CIB1: variants seen among roughly 807,000 people sequenced by gnomAD.
The protein encoded by CIB1 is calcium and integrin-binding protein 1.
In CIB1, 19 loss-of-function variants were observed where a neutral mutation model predicts 25.0. That is an observed-to-expected ratio of 0.76 (90% CI 0.53 to 1.12). The LOEUF (loss-of-function observed/expected upper bound fraction) is 1.12, where lower values mean the gene tolerates loss of function less well. Among genes scored for constraint, CIB1 ranks in the 50% most tolerant of loss-of-function variants. CIB1 has a pLI of 0.00. For synonymous variants in CIB1, 104 were observed against 98.5 expected (o/e 1.06, Z -0.33); for missense variants, 236 against 242.6 (o/e 0.97, Z 0.18).
At chr15:90,252,414 C>T in the CIB1 span, among the ~76,000 whole-genome samples, 1 of 152,086 alleles carries the variant, frequency 6.6e-6, no homozygotes, top group Admixed American at 6.6e-5. Context: ...CTCCTGGGCT[C>T]AAGTGATCCT....
At chr15:90,234,443 T>C (rs1430036141), upstream of CIB1, 1 of 152,288 alleles carries the variant, frequency 6.6e-6, no homozygotes, top group Non-Finnish European at 1.5e-5. Context: ...CTAGATGTTA[T>C]CATCAGGCAA....
At chr15:90,264,235 AGGCTGAAGTACAAT>A in the CIB1 span, among the ~76,000 whole-genome samples, 1 of 152,186 alleles carries the variant, frequency 6.6e-6, no homozygotes, top group Non-Finnish European at 1.5e-5. Flanking sequence ...TCTGTCGCCA[AGGCTGAAGTACAAT>A]GGCTTGATCT....
At chr15:90,264,021 G>GTGCTA in the CIB1 span, 1 of 1,535,996 alleles carries the variant, frequency 6.5e-7, no homozygotes, top group Non-Finnish European at 8.7e-7. Context: ...AGGCTGGGAG[G>GTGCTA]TGCTATTTTT....
the CIB1 span, chr15:90,255,748 G>C: frequency 1.2e-6 from 2 of 1,614,156 alleles, no homozygotes; most frequent in South Asian, 2.2e-5. Flanking sequence ...AACTGGCTGT[G>C]TTTCAGAAAA....
the CIB1 span, chr15:90,241,364 C>T: frequency 6.2e-7 from 1 of 1,614,200 alleles, no homozygotes; most frequent in Admixed American, 1.7e-5. Context: ...TGCAAGAAGA[C>T]ATCCTGGTGG....
At chr15:90,261,101 A>G in the CIB1 span, among the ~76,000 whole-genome samples, 294 of 142,880 alleles carry the variant, frequency 2.1e-3, 3 homozygotes, top group African/African-American at 7.3e-3. Flanking sequence ...TTTTTTTGAG[A>G]CTAGTCTCAC....
chr15:90,240,327 G>C, the CIB1 span, among the ~76,000 whole-genome samples: 1 of 151,948 alleles, frequency 6.6e-6, no homozygotes, highest in African/African-American at 2.4e-5. Flanking sequence ...GGCCAATGTG[G>C]TGAAACCCTG....
At chr15:90,255,695 G>A in the CIB1 span, 1 of 1,609,526 alleles carries the variant, frequency 6.2e-7, no homozygotes, top group African/African-American at 1.3e-5. Context: ...TTCCTGGGAT[G>A]CCCAGGTGCT....
the CIB1 span, among the ~76,000 whole-genome samples, chr15:90,261,026 C>A: frequency 6.6e-6 from 1 of 151,500 alleles, no homozygotes; most frequent in African/African-American, 2.4e-5. Context: ...GCTTTATCTT[C>A]TTTCTGCTCT....
At position 90,230,401 on chromosome 15, in the gene CIB1, GGC is replaced by G; in HGVS notation, c.*81_*82del. 1 of 1,511,218 alleles carries G rather than the reference GGC, an allele frequency of 6.6e-7. No homozygotes were observed. The highest frequency in any genetic ancestry group is 9.0e-7 in the Non-Finnish European group (1 of 1,113,214). 93.6% of individuals were successfully genotyped at this position (1,511,218 alleles called of 1,614,324 possible). On this transcript the variant is annotated 3_prime_UTR_variant, in exon 7 of 7. Coordinates refer to ENST00000328649, the MANE Select transcript of CIB1 (RefSeq NM_006384.4). ...AGGCTGGGCCAGCTTGGCCCGCACT[GGC>G]AACACAGGCTTGACCTTGGCCACAG...
At chr15:90,241,164 CA>C in the CIB1 span, 82 of 1,614,046 alleles carry the variant, frequency 5.1e-5, no homozygotes, top group Non-Finnish European at 6.6e-5. Context: ...GCTACAGACC[CA>C]AATCCTCCCT....
chr15:90,263,568 C>T, the CIB1 span: 3,980 of 566,366 alleles, frequency 7.0e-3, 151 homozygotes, highest in African/African-American at 0.066. Flanking sequence ...TTTCACTATT[C>T]CCTGGGCTGG....
chr15:90,249,144 C>T, the CIB1 span, among the ~76,000 whole-genome samples: 1 of 144,428 alleles, frequency 6.9e-6, no homozygotes, highest in South Asian at 2.2e-4. Context: ...CCAGGAGGTC[C>T]AGGCTGCAGT....
In CIB1 at chr15:90,232,219, CT is replaced by C; in HGVS notation, c.194del (p.Lys65ArgfsTer59). 6.2e-7 allele frequency: 1 copy of C among 1,609,008 alleles called. No homozygotes were observed. Among genetic ancestry groups the C allele is most frequent in the African/African-American group, 1.3e-5 (1 of 74,986 alleles). ...FEQILSLPELKANPFKERICR... is the reference protein window; with the variant it reads ...FEQILSLPELXANPFKERICR... ...TGTCAAAGGAGGGGAGCGCTTGCACCTTGAGCTCTGGAAGGCTGAGAATCTG... is the reference window on the plus strand; with the variant it reads ...TGTCAAAGGAGGGGAGCGCTTGCACCTGAGCTCTGGAAGGCTGAGAATCTG... On this transcript the variant is annotated frameshift_variant and splice_region_variant, in exon 3 of 7. Transcript: ENST00000328649. LOFTEE classifies it high-confidence loss of function.
At chr15:90,258,695 C>G in the CIB1 span, 1 of 1,527,604 alleles carries the variant, frequency 6.5e-7, no homozygotes, top group Non-Finnish European at 9.1e-7. Flanking sequence ...AGGCCACCAC[C>G]TGCTCAGGTG....
the CIB1 span, among the ~76,000 whole-genome samples, chr15:90,239,305 A>ATGTGTGTGTG: frequency 0.096 from 14,259 of 147,832 alleles, 685 homozygotes; most frequent in African/African-American, 0.11. Context: ...GAGACATAAA[A>ATGTGTGTGTG]TGTGTGTGTG....
the CIB1 span, among the ~76,000 whole-genome samples, chr15:90,247,572 G>A: frequency 6.6e-6 from 1 of 151,480 alleles, no homozygotes; most frequent in Non-Finnish European, 1.5e-5. Flanking sequence ...TAACTACCAT[G>A]GCTTCCAGTG....
chr15:90,256,652 C>G, the CIB1 span, among the ~76,000 whole-genome samples: 1 of 135,404 alleles, frequency 7.4e-6, no homozygotes, highest in East Asian at 2.1e-4. Context: ...TTTCTTTCTC[C>G]CTTTCCTTCC....
the CIB1 span, chr15:90,250,600 C>A: frequency 6.2e-7 from 1 of 1,601,474 alleles, no homozygotes; most frequent in Non-Finnish European, 8.5e-7. Flanking sequence ...ACACTTCATT[C>A]CCACCCCGCA....
Sources: allele counts gnomAD v4.1 joint callset (sites outside exome capture counted in the v4.1 genomes callset), GRCh38; gene constraint gnomAD v4.1.1; transcripts MANE v1.5; gene names NCBI Gene and HGNC (gene_info 2026-07-23, HGNC 2026-07-21).